Variants in ATP10A observed in about 807,000 individuals in gnomAD.
ATP10A encodes the protein ATPase phospholipid transporting 10A (putative), also known as phospholipid-transporting ATPase VA.
A neutral mutation model predicts 147.8 loss-of-function variants in ATP10A; 111 were observed. That is an observed-to-expected ratio of 0.75 (90% CI 0.64 to 0.88). ATP10A has a LOEUF of 0.88. ATP10A is among the 40% of genes least tolerant of loss of function. The probability of loss-of-function intolerance (pLI) is 0.00; values close to 1 mark genes in which losing one functional copy is unlikely to be tolerated. For synonymous variants in ATP10A, 875 were observed against 841.6 expected, an observed-to-expected ratio of 1.04 and a Z score of -0.69; for missense variants, 1,927 against 1,959.0, an observed-to-expected ratio of 0.98 and a Z score of 0.31.
chr15:25,702,127 G>A (rs753898), intron 12 of ATP10A, 27 bp from the exon 13 acceptor site: 23 of 1,589,574 alleles, frequency 1.4e-5, no homozygotes, highest in Middle Eastern at 1.7e-4. Context: ...CAGTGTGAGC[G>A]AACCCGCTTC....
At chr15:25,853,201 A>G (rs1567433697) in intron 1 of ATP10A, among the ~76,000 whole-genome samples, 1 of 152,196 alleles carries the variant, frequency 6.6e-6, no homozygotes, top group Non-Finnish European at 1.5e-5. Flanking sequence ...AAGTCAGGCT[A>G]AGAGTCTTCT....
At position 25,714,060 on chromosome 15, in the gene ATP10A, C is replaced by G; in HGVS notation, c.1958G>C (p.Arg653Thr). ...GGGCTGGCCCAGCCTCTCCTCCAGC[C>G]TGAGAAGCATGCCGTCGCTGGACGG... ...STPSSDGMLLRLEERLGQPTS... is the reference protein window; with the variant it reads ...STPSSDGMLLTLEERLGQPTS... Residue 653 changes from arginine to threonine, a missense_variant, in exon 10 of 21, where the codon AGG becomes ACG. By Grantham distance (71) the Arg-to-Thr change is moderately conservative. Transcript: ENST00000555815. 1 of 1,612,856 alleles carries G rather than the reference C, an allele frequency of 6.2e-7. No individual in the cohort carries two copies. The highest frequency in any genetic ancestry group is 2.2e-5 in the East Asian group (1 of 44,864).
At position 25,680,374 on chromosome 15, in the gene ATP10A, A is replaced by G. The variant is rs554196215; in HGVS notation, c.3679-66T>C. The G allele has an allele frequency of 4.8e-5, 73 of 1,516,294 alleles. No individual in the cohort carries two copies. In the Middle Eastern group the frequency reaches 8.6e-4, roughly 18 times the overall value. 93.9% of individuals were successfully genotyped at this position (1,516,294 alleles called of 1,614,324 possible). A position where few individuals can be genotyped will look rare whatever the true frequency, so the allele number is the denominator to read the frequency against. ...AAAAGTGACAACAATGACAATAACA[A>G]AAACGTGCCAGTCATCAATGAGCAG... On this transcript the variant is annotated intron_variant, in intron 19 of 20. Transcript: ENST00000555815.
intron 1 of ATP10A, among the ~76,000 whole-genome samples, chr15:25,832,406 C>G (rs1036945787): frequency 2.6e-5 from 4 of 152,230 alleles, no homozygotes; most frequent in Non-Finnish European, 5.9e-5. Context: ...GCAAAGGCAG[C>G]TGCCTGTGAG....
rs780799601 is a variant in ATP10A at position 25,725,982 on chromosome 15, G to A, written c.948C>T (p.Leu316=). Residue 316 remains leucine (L), a synonymous_variant, in exon 5 of 21, where the codon CTC becomes CTT. Transcript: ENST00000555815. ...CTGAAAACAGAGACATGCAAACAAG[G>A]AGCAGGACACACCAGAGCACGTCGC... ...MNCDVLWCVL[L]LVCMSLFSAV... The A allele has an allele frequency of 6.2e-7, 1 of 1,613,874 alleles. No homozygotes were observed. Among genetic ancestry groups the A allele is most frequent in the Non-Finnish European group, 8.5e-7 (1 of 1,179,956 alleles).
intron 1 of ATP10A, among the ~76,000 whole-genome samples, chr15:25,858,878 A>G (rs1354626217): frequency 6.6e-6 from 1 of 152,110 alleles, no homozygotes; most frequent in Non-Finnish European, 1.5e-5. Flanking sequence ...CAAAGTACAT[A>G]GAAGCAAAAG....
intron 1 of ATP10A, among the ~76,000 whole-genome samples, chr15:25,806,794 G>A (rs77607655): frequency 1.5e-3 from 233 of 152,252 alleles, no homozygotes; most frequent in East Asian, 0.014. Context: ...ACAGGTTTTC[G>A]GCTGTGCAGG....
chr15:25,745,239 T>A (rs975438205), intron 2 of ATP10A, among the ~76,000 whole-genome samples: 13 of 151,724 alleles, frequency 8.6e-5, no homozygotes, highest in Admixed American at 7.9e-4. Flanking sequence ...GGCAGGAGAA[T>A]CACTTGAACC....
intron 13 of ATP10A, among the ~76,000 whole-genome samples, chr15:25,696,537 G>A (rs557497695): frequency 1.8e-4 from 27 of 152,344 alleles, no homozygotes; most frequent in African/African-American, 6.5e-4. Flanking sequence ...TGGGCAGGAC[G>A]CATAGGCTCA....
intron 8 of ATP10A, among the ~76,000 whole-genome samples, chr15:25,717,367 G>A (rs1427649497): frequency 6.6e-6 from 1 of 152,130 alleles, no homozygotes; most frequent in Non-Finnish European, 1.5e-5. Context: ...CAGTTTTGCT[G>A]ATGTAAATTA....
chr15:25,701,333 G>C (rs188780035), intron 13 of ATP10A, among the ~76,000 whole-genome samples: 1 of 152,224 alleles, frequency 6.6e-6, no homozygotes, highest in Non-Finnish European at 1.5e-5. Flanking sequence ...GGGAGTCTGA[G>C]TGTGAGCCCC....
chr15:25,710,522 G>C (rs946081990), intron 10 of ATP10A: 3 of 152,172 alleles, frequency 2.0e-5, no homozygotes, highest in Non-Finnish European at 4.4e-5. Flanking sequence ...GACCCACAGA[G>C]AGGCCCTCAG....
rs149812126 is a variant in ATP10A, at chr15:25,855,541, A to AACATAC, written c.449+7106_449+7107insGTATGT. Among the ~76,000 whole-genome samples, 882 of 146,106 alleles carry AACATAC rather than the reference A, an allele frequency of 6.0e-3. 5 individuals carry two copies. Among genetic ancestry groups the AACATAC allele is most frequent in the African/African-American group, 0.021 (840 of 39,646 alleles). ...AGCTTGAAATCTCAGTATTGGTTAA[A>AACATAC]ACACACACACACACACACACACACA... is the stretch of plus-strand genomic sequence containing the variant. On this transcript the variant is annotated intron_variant, in intron 1 of 20. Transcript: ENST00000555815.
At chr15:25,733,532 C>G (rs12915451) in intron 3 of ATP10A, among the ~76,000 whole-genome samples, 149,862 of 152,280 alleles carry the variant, frequency 0.98, 73,803 homozygotes, top group East Asian at 1. Context: ...GTCACGGGGG[C>G]AAGTATTAAC....
At chr15:25,759,165 C>A (rs1567361812) in intron 2 of ATP10A, among the ~76,000 whole-genome samples, 1 of 152,150 alleles carries the variant, frequency 6.6e-6, no homozygotes, top group Non-Finnish European at 1.5e-5. Flanking sequence ...AAGTAACTTG[C>A]CTTGCTGAGA....
downstream of ATP10A, chr15:25,677,341 G>A (rs1899158207): frequency 6.6e-6 from 1 of 152,142 alleles, no homozygotes; most frequent in South Asian, 2.1e-4. Flanking sequence ...AGCTGTCAAT[G>A]CCATTTACAA....
In ATP10A at chr15:25,721,714, T is replaced by C; in HGVS notation, c.1306A>G (p.Lys436Glu). ...ACAGTGCATCTTCGGAAAACCATCT[T>C]ATTCTCTGTCAAAGTGCCAGTTTTA... ...SDKTGTLTEN[K>E]MVFRRCTVSG... Residue 436 changes from lysine to glutamate, a missense_variant, in exon 7 of 21, where the codon AAG becomes GAG. Physicochemically the swap from Lys to Glu is moderately conservative, Grantham distance 56. Coordinates refer to ENST00000555815, the MANE Select transcript of ATP10A (RefSeq NM_024490.4). 2 of 1,614,168 alleles carry C rather than the reference T, an allele frequency of 1.2e-6. No individual in the cohort carries two copies. The highest frequency in any genetic ancestry group is 1.7e-6 in the Non-Finnish European group (2 of 1,180,028).
chr15:25,814,231 C>A (rs1891553826), intron 1 of ATP10A, among the ~76,000 whole-genome samples: 1 of 152,182 alleles, frequency 6.6e-6, no homozygotes, highest in Non-Finnish European at 1.5e-5. Context: ...GACAGAGGAG[C>A]ATCATATGTC....
At position 25,726,018 on chromosome 15, in the gene ATP10A, C is replaced by T. The variant is rs139274871; in HGVS notation, c.912G>A (p.Arg304=). ...ACCAGAGCACGTCGCAGTTCATCTG[C>T]CTCTCCAGCTTGCTGCGCTTGTAGC... The part of the protein sequence containing the change: ...GPRYKRSKLE[R]QMNCDVLWCV... Residue 304 remains arginine (R), a synonymous_variant, in exon 5 of 21, where the codon AGG becomes AGA. Coordinates refer to ENST00000555815, the MANE Select transcript of ATP10A (RefSeq NM_024490.4). 7.6e-5 allele frequency: 123 copies of T among 1,614,170 alleles called. 1 individual carries two copies. The African/African-American group carries it at 1.4e-3, about 19-fold the overall frequency.
Sources: gnomAD v4.1 joint callset for allele counts (sites outside exome capture counted in the v4.1 genomes callset) on GRCh38, gnomAD v4.1.1 for gene constraint, MANE v1.5 for transcripts, NCBI Gene and HGNC (gene_info 2026-07-23, HGNC 2026-07-21) for gene names.